Variants in PDGFD observed in about 807,000 individuals in gnomAD.
PDGFD encodes platelet-derived growth factor D.
In PDGFD, 30 loss-of-function variants were observed where a neutral mutation model predicts 44.7. That is an observed-to-expected ratio of 0.67 (90% CI 0.50 to 0.91). PDGFD has a LOEUF of 0.91. PDGFD is among the 40% of genes least tolerant of loss of function. The pLI is 0.00. For missense variants in PDGFD, 445 were observed against 457.8 expected, an observed-to-expected ratio of 0.97 and a Z score of 0.25; for synonymous variants, 173 against 168.4, an observed-to-expected ratio of 1.03 and a Z score of -0.21.
intron 1 of PDGFD, among the ~76,000 whole-genome samples, chr11:104,149,323 A>G (rs1862209615): frequency 6.6e-6 from 1 of 152,194 alleles, no homozygotes. Flanking sequence ...CCTGTGGCGT[A>G]ATTCTGGTCA....
intron 6 of PDGFD, among the ~76,000 whole-genome samples, chr11:103,917,020 G>A (rs1170805209): frequency 6.6e-6 from 1 of 151,856 alleles, no homozygotes; most frequent in Non-Finnish European, 1.5e-5. Flanking sequence ...AAGCCACCAT[G>A]GCACATGTAT....
At chr11:103,938,123 C>G (rs879602051) in intron 5 of PDGFD, among the ~76,000 whole-genome samples, 1 of 151,910 alleles carries the variant, frequency 6.6e-6, no homozygotes, top group Admixed American at 6.6e-5. Flanking sequence ...CCTGAGGAAT[C>G]ACCACACTGA....
chr11:103,927,711 T>C (rs1268789872), intron 5 of PDGFD, among the ~76,000 whole-genome samples: 2 of 152,230 alleles, frequency 1.3e-5, no homozygotes, highest in Non-Finnish European at 2.9e-5. Context: ...TGCATATTTG[T>C]GCACTGGGTC....
chr11:104,082,551 A>G (rs1002893838), intron 1 of PDGFD, among the ~76,000 whole-genome samples: 2 of 152,170 alleles, frequency 1.3e-5, no homozygotes, highest in South Asian at 2.1e-4. Flanking sequence ...CACTCATTTC[A>G]AAGATTACTT....
chr11:103,927,644 T>G (rs1858340180), intron 5 of PDGFD, among the ~76,000 whole-genome samples: 1 of 152,358 alleles, frequency 6.6e-6, no homozygotes, highest in Non-Finnish European at 1.5e-5. Context: ...GTTTTATTTT[T>G]AACTTCAAAG....
chr11:103,933,158 T>C (rs1858432218), intron 5 of PDGFD, among the ~76,000 whole-genome samples: 1 of 152,164 alleles, frequency 6.6e-6, no homozygotes, highest in African/African-American at 2.4e-5. Flanking sequence ...CCCTTTAATG[T>C]TGCAGCACCA....
intron 1 of PDGFD, chr11:104,037,884 T>C: frequency 6.2e-7 from 1 of 1,614,202 alleles, no homozygotes; most frequent in Non-Finnish European, 8.5e-7. Context: ...TCGGCACCAC[T>C]GGCACGCAGA....
At chr11:104,162,020 G>A (rs1862396846) in intron 1 of PDGFD, among the ~76,000 whole-genome samples, 1 of 151,330 alleles carries the variant, frequency 6.6e-6, no homozygotes, top group South Asian at 2.1e-4. Context: ...ACTGAAATAT[G>A]AAGAAATGAG....
chr11:104,110,967 GCAAA>G (rs1555054254), intron 1 of PDGFD, among the ~76,000 whole-genome samples: 1 of 152,024 alleles, frequency 6.6e-6, no homozygotes, highest in Non-Finnish European at 1.5e-5. Context: ...TTGTCCTAGT[GCAAA>G]CAGTTTCAAT....
chr11:103,928,227 T>C (rs1858347286), intron 5 of PDGFD, among the ~76,000 whole-genome samples: 1 of 152,236 alleles, frequency 6.6e-6, no homozygotes, highest in South Asian at 2.1e-4. Context: ...CCAAATCCTC[T>C]TATTGGTGCA....
intron 1 of PDGFD, among the ~76,000 whole-genome samples, chr11:104,154,197 A>G (rs568751768): frequency 6.6e-6 from 1 of 152,134 alleles, no homozygotes; most frequent in Non-Finnish European, 1.5e-5. Flanking sequence ...ACCATCCCCC[A>G]TTACATTCTA....
chr11:103,918,069 T>C (rs1289974173), intron 6 of PDGFD, among the ~76,000 whole-genome samples: 1 of 152,232 alleles, frequency 6.6e-6, no homozygotes, highest in Non-Finnish European at 1.5e-5. Context: ...GATGGAGATC[T>C]GTTTGTAGAA....
In PDGFD at chr11:104,163,839, A is replaced by G. The variant is rs751107412; in HGVS notation, c.89T>C (p.Ile30Thr). 12 of 1,571,554 alleles carry G rather than the reference A, an allele frequency of 7.6e-6. No homozygotes were observed. In the East Asian group the frequency reaches 1.1e-4, roughly 15 times the overall value. Residue 30 changes from isoleucine (I) to threonine (T), a missense_variant, in exon 1 of 7, where the codon ATC (isoleucine) becomes ACC (threonine). Coordinates refer to ENST00000393158, the MANE Select transcript of PDGFD (RefSeq NM_025208.5). ...GAGGTTGGCGTTGCGCAAAGCTTTG[A>G]TGGATGCGCTCTGCGGGGTTGCAGA... Reference protein sequence around the residue: ...DTSATPQSASIKALRNANLRR... With the variant: ...DTSATPQSASTKALRNANLRR...
At chr11:103,987,254 G>A (rs1391407779) in intron 3 of PDGFD, among the ~76,000 whole-genome samples, 7 of 152,076 alleles carry the variant, frequency 4.6e-5, no homozygotes, top group African/African-American at 1.2e-4. Context: ...AGGTGAACCC[G>A]TCAGCTGGTT....
chr11:104,161,722 G>C (rs2119938156), intron 1 of PDGFD, among the ~76,000 whole-genome samples: 1 of 152,246 alleles, frequency 6.6e-6, no homozygotes, highest in African/African-American at 2.4e-5. Context: ...AGATCTAATT[G>C]CACCCCATTG....
At chr11:104,040,816 T>C (rs4754099) in intron 1 of PDGFD, among the ~76,000 whole-genome samples, 67,782 of 151,762 alleles carry the variant, frequency 0.45, 15,500 homozygotes, top group Admixed American at 0.57. Flanking sequence ...CTATACATCA[T>C]TATATAACTG....
intron 1 of PDGFD, among the ~76,000 whole-genome samples, chr11:104,033,686 C>T (rs1277936214): frequency 6.6e-6 from 1 of 152,110 alleles, no homozygotes; most frequent in Non-Finnish European, 1.5e-5. Context: ...TAATCCTCCT[C>T]GCTATGGTTT....
At chr11:103,951,430 T>A (rs1054968455) in intron 3 of PDGFD, among the ~76,000 whole-genome samples, 2 of 152,184 alleles carry the variant, frequency 1.3e-5, no homozygotes, top group Admixed American at 1.3e-4. Context: ...GTCAGAATTA[T>A]CTCTTTTAAT....
intron 1 of PDGFD, among the ~76,000 whole-genome samples, chr11:104,054,723 G>C (rs978727290): frequency 2.0e-5 from 3 of 152,154 alleles, no homozygotes; most frequent in Admixed American, 6.5e-5. Flanking sequence ...GAATAGAAGG[G>C]TAAAGGGAAA....
Sources: gnomAD v4.1 joint callset for allele counts (sites outside exome capture counted in the v4.1 genomes callset) on GRCh38, gnomAD v4.1.1 for gene constraint, MANE v1.5 for transcripts, NCBI Gene and HGNC (gene_info 2026-07-23, HGNC 2026-07-21) for gene names.